Variants in TRIO observed in about 807,000 individuals in gnomAD.
TRIO encodes the protein triple functional domain protein.
Under a neutral mutation model 351.9 loss-of-function variants are expected in TRIO, and 58 were observed. The observed-to-expected ratio is 0.16, with a 90% CI of 0.13 to 0.21. TRIO has a LOEUF of 0.21. Among genes scored for constraint, TRIO ranks in the 10% least tolerant of loss-of-function variants. The pLI, the probability that TRIO is intolerant of heterozygous loss-of-function variation, is 1.00. For synonymous variants in TRIO, 1,758 were observed against 1,595.7 expected, an observed-to-expected ratio of 1.10 and a Z score of -2.42; for missense variants, 3,201 against 4,027.8, an observed-to-expected ratio of 0.79 and a Z score of 5.56.
chr5:14,210,355 G>T (rs1446830289), intron 1 of TRIO, among the ~76,000 whole-genome samples: 1 of 152,186 alleles, frequency 6.6e-6, no homozygotes, highest in African/African-American at 2.4e-5. Flanking sequence ...CCAAGAGTAG[G>T]GGTGTCCAGC....
At chr5:14,374,923 G>A (rs962585105) in intron 19 of TRIO, among the ~76,000 whole-genome samples, 1 of 152,068 alleles carries the variant, frequency 6.6e-6, no homozygotes, top group African/African-American at 2.4e-5. Flanking sequence ...GATGTGGAAG[G>A]AAAATGGATA....
At chr5:14,316,419 T>TA in intron 8 of TRIO, 94 bp from the exon 9 acceptor site, 1 of 1,261,360 alleles carries the variant, frequency 7.9e-7, no homozygotes, top group Non-Finnish European at 1.1e-6. Flanking sequence ...TGTGTGCCTG[T>TA]ATGTGCACAC....
chr5:14,478,613 T>C (rs1365753722), intron 41 of TRIO, among the ~76,000 whole-genome samples: 1 of 152,054 alleles, frequency 6.6e-6, no homozygotes, highest in Non-Finnish European at 1.5e-5. Context: ...ACTAGGACTG[T>C]TGGCAGGGTT....
chr5:14,486,969 G>T (rs1755960194), intron 47 of TRIO, among the ~76,000 whole-genome samples: 1 of 152,140 alleles, frequency 6.6e-6, no homozygotes, highest in African/African-American at 2.4e-5. Context: ...CTACAATGAA[G>T]ATGTAAGAAA....
At chr5:14,220,038 CTCT>C (rs760533841) in intron 1 of TRIO, among the ~76,000 whole-genome samples, 199 of 139,164 alleles carry the variant, frequency 1.4e-3, no homozygotes, top group Middle Eastern at 0.011. Flanking sequence ...TTTCTTCTTC[CTCT>C]TCTTCTTCTT....
intron 29 of TRIO, among the ~76,000 whole-genome samples, chr5:14,398,544 G>A (rs924015338): frequency 6.6e-6 from 1 of 152,160 alleles, no homozygotes; most frequent in African/African-American, 2.4e-5. Context: ...TTTCGGTGGT[G>A]GGATGCTGCA....
chr5:14,300,862 G>T (rs1737812904), intron 7 of TRIO, among the ~76,000 whole-genome samples: 1 of 152,154 alleles, frequency 6.6e-6, no homozygotes, highest in Admixed American at 6.5e-5. Flanking sequence ...AATATTTTTA[G>T]AATTAACATT....
At chr5:14,394,713 C>CT (rs752541024) in intron 28 of TRIO, among the ~76,000 whole-genome samples, 28 of 152,182 alleles carry the variant, frequency 1.8e-4, no homozygotes, top group Non-Finnish European at 3.4e-4. Context: ...TGGAGTCAGG[C>CT]TGACCTCTGC....
At chr5:14,435,122 A>T (rs1751478097) in intron 34 of TRIO, among the ~76,000 whole-genome samples, 1 of 152,180 alleles carries the variant, frequency 6.6e-6, no homozygotes, top group South Asian at 2.1e-4. Context: ...TCAGCTAAAG[A>T]CAGGGTCCTC....
intron 27 of TRIO, among the ~76,000 whole-genome samples, chr5:14,393,737 A>G (rs1747317231): frequency 6.6e-6 from 1 of 152,232 alleles, no homozygotes; most frequent in Non-Finnish European, 1.5e-5. Flanking sequence ...AATACAGATC[A>G]TTGCATGTAA....
chr5:14,471,573 C>G, intron 38 of TRIO, 107 bp downstream of exon 38: 1 of 1,454,304 alleles, frequency 6.9e-7, no homozygotes, highest in Non-Finnish European at 9.3e-7. Flanking sequence ...AGATGAGAAG[C>G]TCCAGGGCCT....
At chr5:14,299,781 A>T (rs532916372) in intron 7 of TRIO, among the ~76,000 whole-genome samples, 8 of 152,298 alleles carry the variant, frequency 5.3e-5, no homozygotes, top group Admixed American at 5.2e-4. Context: ...GTTCATGTGG[A>T]ATTTAAATCT....
chr5:14,446,634 A>G (rs1345581573), intron 34 of TRIO, among the ~76,000 whole-genome samples: 2 of 152,154 alleles, frequency 1.3e-5, no homozygotes, highest in Non-Finnish European at 2.9e-5. Context: ...TACCTCCTCC[A>G]GTCTGTGCGA....
Position 14,388,406 on chromosome 5 carries a change from G to A in TRIO, c.3882-207G>A, listed in dbSNP as rs116699885. Among the ~76,000 whole-genome samples, 1,501 of 152,246 alleles carry A rather than the reference G, an allele frequency of 9.9e-3. 26 individuals carry two copies. Among genetic ancestry groups the A allele is most frequent in the African/African-American group, 0.034 (1,429 of 41,524 alleles). On this transcript the variant is annotated intron_variant, in intron 23 of 56. Transcript: ENST00000344204. ...CCAGGTTGAGAAACCCTGATCTGTC[G>A]GTACCTCAGTAAAGTGTGTGCAGAA...
intron 34 of TRIO, among the ~76,000 whole-genome samples, chr5:14,426,071 C>G (rs1026875536): frequency 2.0e-5 from 3 of 152,182 alleles, no homozygotes; most frequent in Non-Finnish European, 4.4e-5. Flanking sequence ...CACCTGATCA[C>G]CTGACCTCAC....
intron 20 of TRIO, 31 bp downstream of exon 20, chr5:14,378,158 C>G: frequency 6.5e-7 from 1 of 1,537,256 alleles, no homozygotes; most frequent in Non-Finnish European, 8.9e-7. Flanking sequence ...CAGCCTCCCC[C>G]TAAACTCCCG....
intron 8 of TRIO, 30 bp downstream of exon 8, chr5:14,304,622 A>G: frequency 1.9e-6 from 3 of 1,595,626 alleles, no homozygotes; most frequent in South Asian, 2.3e-5. Flanking sequence ...TACATTGCAA[A>G]GCAGCATCAT....
rs1056986247 is a variant in TRIO, at chr5:14,438,743, C to T, written c.5203+18722C>T. ...GGACTTCCTTCCTTTCCTTTTGCCTCGCCTCCTCTCCCATCGGTCATTTAC... is the reference window on the plus strand; with the variant it reads ...GGACTTCCTTCCTTTCCTTTTGCCTTGCCTCCTCTCCCATCGGTCATTTAC... On this transcript the variant is annotated intron_variant, in intron 34 of 56. Coordinates refer to ENST00000344204, the MANE Select transcript of TRIO (RefSeq NM_007118.4). Among the ~76,000 whole-genome samples the T allele has an allele frequency of 1.3e-5, 2 of 152,240 alleles. 1 individual carries two copies. Among genetic ancestry groups the T allele is most frequent in the Admixed American group, 1.3e-4 (2 of 15,290 alleles).
intron 1 of TRIO, among the ~76,000 whole-genome samples, chr5:14,171,597 A>C (rs1255647345): frequency 6.6e-6 from 1 of 152,204 alleles, no homozygotes; most frequent in Non-Finnish European, 1.5e-5. Flanking sequence ...GATGGATATC[A>C]CCCACAGAGG....
Sources: gnomAD v4.1 joint callset for allele counts (sites outside exome capture counted in the v4.1 genomes callset) on GRCh38, gnomAD v4.1.1 for gene constraint, MANE v1.5 for transcripts, NCBI Gene and HGNC (gene_info 2026-07-23, HGNC 2026-07-21) for gene names.